Variants in PHKA2 observed in about 807,000 individuals in gnomAD.
The protein encoded by PHKA2 is phosphorylase kinase regulatory subunit alpha 2.
PHKA2 carries 31 observed loss-of-function variants against 102.0 expected under a neutral mutation model. The observed-to-expected ratio is 0.30, with a 90% CI of 0.23 to 0.41. The LOEUF is 0.41. Ranked by LOEUF, PHKA2 falls within the 10% of genes least tolerant of loss-of-function variation. PHKA2 has a pLI of 1.00. For synonymous variants in PHKA2, 455 were observed against 416.2 expected (o/e 1.09, Z -1.13); for missense variants, 858 against 1,023.1 (o/e 0.84, Z 2.20).
At chrX:18,918,637 T>A (rs2048060581) in intron 19 of PHKA2, 44 bp downstream of exon 19, 3 of 1,123,959 alleles carry the variant, frequency 2.7e-6, no homozygotes, top group Non-Finnish European at 3.7e-6. Context: ...ATTACTTTGA[T>A]AAAAGAAGGT....
At chrX:18,916,513 G>A (rs2048022523) in intron 19 of PHKA2, among the ~76,000 whole-genome samples, 1 of 112,381 alleles carries the variant, frequency 8.9e-6, no homozygotes, top group Admixed American at 9.4e-5. Context: ...AATCCCCAGT[G>A]TTGGAGGTGG....
chrX:18,959,779 G>C (rs1045345918), intron 1 of PHKA2, among the ~76,000 whole-genome samples: 1 of 111,481 alleles, frequency 9.0e-6, no homozygotes, highest in Non-Finnish European at 1.9e-5. Flanking sequence ...CAGATCTCTA[G>C]ATATGGCAAC....
At chrX:18,974,231 C>G (rs993358647) in intron 1 of PHKA2, among the ~76,000 whole-genome samples, 2 of 110,730 alleles carry the variant, frequency 1.8e-5, no homozygotes, top group Non-Finnish European at 3.8e-5. Flanking sequence ...CCCCATATCT[C>G]CACCCAACCA....
intron 19 of PHKA2, among the ~76,000 whole-genome samples, chrX:18,917,260 CTTT>C (rs745473312): frequency 6.2e-5 from 6 of 96,403 alleles, no homozygotes; most frequent in Non-Finnish European, 4.2e-5. Flanking sequence ...AAAAAAATGT[CTTT>C]TTTTTTTTTT....
At chrX:18,934,437 G>C (rs999689244) in intron 11 of PHKA2, among the ~76,000 whole-genome samples, 1 of 111,960 alleles carries the variant, frequency 8.9e-6, no homozygotes, top group Non-Finnish European at 1.9e-5. Flanking sequence ...CCGGAGCTCA[G>C]GGCTAAGGGT....
intron 26 of PHKA2, among the ~76,000 whole-genome samples, chrX:18,903,604 G>C (rs911800888): frequency 8.9e-6 from 1 of 112,453 alleles, no homozygotes; most frequent in African/African-American, 3.2e-5. Context: ...TGAAATGAAG[G>C]TGGCAGCTGG....
In PHKA2 at chrX:18,900,699, TC is replaced by T; in HGVS notation, c.3028-1del. ...TCATCAGCACTAAACCGCCTAGTCA[TC>T]TGAAAGCAAAAATACATCAGGAAAT... On this transcript the variant is annotated splice_acceptor_variant, in intron 27 of 32. Transcript: ENST00000379942. LOFTEE classifies it high-confidence loss of function. 1 of 1,207,782 alleles carries T rather than the reference TC, an allele frequency of 8.3e-7. No homozygotes were observed. Among genetic ancestry groups the T allele is most frequent in the Non-Finnish European group, 1.1e-6 (1 of 891,960 alleles).
At chrX:18,970,296 G>A (rs1445514003) in intron 1 of PHKA2, among the ~76,000 whole-genome samples, 1 of 112,185 alleles carries the variant, frequency 8.9e-6, no homozygotes, top group Non-Finnish European at 1.9e-5. Context: ...ATTGTGGCAT[G>A]GCTAAATTGA....
At chrX:18,906,844 A>C in intron 23 of PHKA2, 30 bp from the exon 24 acceptor site, 1 of 1,153,041 alleles carries the variant, frequency 8.7e-7, no homozygotes, top group African/African-American at 1.8e-5. Flanking sequence ...CACGAATGTG[A>C]TGAGGTGTCT....
intron 5 of PHKA2, among the ~76,000 whole-genome samples, chrX:18,947,521 C>T (rs750342801): frequency 5.3e-5 from 6 of 112,557 alleles, no homozygotes; most frequent in African/African-American, 1.3e-4. Context: ...CAGCTCCCAC[C>T]AAGGTGCTAA....
At chrX:18,916,846 C>A (rs1460411083) in intron 19 of PHKA2, among the ~76,000 whole-genome samples, 1 of 109,972 alleles carries the variant, frequency 9.1e-6, no homozygotes, top group Admixed American at 9.7e-5. Flanking sequence ...TCAGGTATTT[C>A]TTTATGGCAA....
chrX:18,971,439 T>C (rs182806666), intron 1 of PHKA2, among the ~76,000 whole-genome samples: 1 of 112,417 alleles, frequency 8.9e-6, no homozygotes, highest in Non-Finnish European at 1.9e-5. Context: ...GGGAATCACC[T>C]TGAAGAGATA....
intron 10 of PHKA2, 23 bp from the exon 11 acceptor site, chrX:18,936,173 A>T: frequency 9.4e-7 from 1 of 1,065,096 alleles, no homozygotes; most frequent in Non-Finnish European, 1.3e-6. Context: ...CCCATCATCC[A>T]TGGCAGGAAG....
At chrX:18,977,964 C>G (rs967957701) in intron 1 of PHKA2, among the ~76,000 whole-genome samples, 2 of 111,844 alleles carry the variant, frequency 1.8e-5, no homozygotes, top group Admixed American at 9.5e-5. Flanking sequence ...GAGTTTGAGA[C>G]CAGCCTGGCC....
At chrX:18,948,181 C>T (rs1332225050) in intron 5 of PHKA2, among the ~76,000 whole-genome samples, 1 of 112,225 alleles carries the variant, frequency 8.9e-6, no homozygotes, top group Non-Finnish European at 1.9e-5. Flanking sequence ...TAAAATAAAA[C>T]AAGCATAATG....
rs41311823 is a variant in PHKA2, at chrX:18,896,654, G to C, written c.3282+509C>G. On this transcript the variant is annotated intron_variant, in intron 30 of 32. Coordinates refer to ENST00000379942, the MANE Select transcript of PHKA2 (RefSeq NM_000292.3). The stretch of plus-strand genomic sequence containing the variant: ...CTCCTGCCTGGATGTGCGGGAGGCT[G>C]GGGGGCTGGCCTACTCCAGGCCCCT... The C allele has an allele frequency of 5.8e-3, 974 of 167,991 alleles. 2 individuals carry two copies. Among genetic ancestry groups the C allele is most frequent in the Non-Finnish European group, 8.9e-3 (787 of 88,501 alleles). The allele number at this position is 167,991 out of a possible 1,213,427, so 13.8% of individuals were successfully genotyped here.
chrX:18,895,548 CT>C (rs1462523155), intron 30 of PHKA2: 1 of 261,835 alleles, frequency 3.8e-6, no homozygotes, highest in East Asian at 8.0e-5. Flanking sequence ...ATGGCTCCTG[CT>C]GGGGAAGGGA....
intron 19 of PHKA2, among the ~76,000 whole-genome samples, chrX:18,912,816 C>T (rs1184421293): frequency 5.4e-5 from 6 of 110,929 alleles, no homozygotes; most frequent in East Asian, 5.7e-4. Context: ...GAGGCTGAGG[C>T]GGGAGAATCG....
At position 18,895,152 on chromosome X, in the gene PHKA2, A is replaced by G; in HGVS notation, c.3322T>C (p.Ser1108Pro). The stretch of plus-strand genomic sequence containing the variant: ...TCTCATCGTACCTCTCGGGTCGTCG[A>G]GGATGGGAGGACATAACCATCGATG... The part of the protein sequence containing the change: ...LSIDGYVLPS[S>P]TTREMTPHEI... Residue 1108 changes from serine to proline, a missense_variant, in exon 31 of 33, where the codon TCG becomes CCG. Transcript: ENST00000379942. 1 of 1,211,304 alleles carries G rather than the reference A, an allele frequency of 8.3e-7. No individual in the cohort carries two copies. Among genetic ancestry groups the G allele is most frequent in the Non-Finnish European group, 1.1e-6 (1 of 895,017 alleles).
Sources: allele counts gnomAD v4.1 joint callset (sites outside exome capture counted in the v4.1 genomes callset), GRCh38; gene constraint gnomAD v4.1.1; transcripts MANE v1.5; gene names NCBI Gene and HGNC (gene_info 2026-07-23, HGNC 2026-07-21).